Variants in BABAM2 observed in about 807,000 individuals in gnomAD.
The protein encoded by BABAM2 is BRISC and BRCA1 A complex member 2.
In BABAM2, 31 loss-of-function variants were observed where a neutral mutation model predicts 54.7. That is an observed-to-expected ratio of 0.57 (90% CI 0.43 to 0.77). The LOEUF (loss-of-function observed/expected upper bound fraction) is 0.77, where lower values mean the gene tolerates loss of function less well. Among genes scored for constraint, BABAM2 ranks in the 30% least tolerant of loss-of-function variants. The pLI is 0.00. For missense variants in BABAM2, 364 were observed against 455.8 expected (o/e 0.80, Z 1.83); for synonymous variants, 167 against 162.9 (o/e 1.03, Z -0.19).
chr2:27,928,842 A>G (rs1313176353), intron 2 of BABAM2, among the ~76,000 whole-genome samples: 4 of 152,026 alleles, frequency 2.6e-5, no homozygotes, highest in Non-Finnish European at 5.9e-5. Flanking sequence ...TATGACTTCT[A>G]AGATAAAAAT....
intron 6 of BABAM2, among the ~76,000 whole-genome samples, chr2:28,062,573 ACC>A (rs1678977707): frequency 4.4e-5 from 4 of 90,988 alleles, no homozygotes; most frequent in African/African-American, 9.3e-5. Flanking sequence ...AAAAAAAAAA[ACC>A]AAAAAAAAAA....
intron 11 of BABAM2, among the ~76,000 whole-genome samples, chr2:28,331,377 A>G (rs1690945400): frequency 1.3e-5 from 2 of 152,240 alleles, no homozygotes; most frequent in Admixed American, 1.3e-4. Context: ...TTCAAAATGA[A>G]CAGACAACCT....
intron 7 of BABAM2, among the ~76,000 whole-genome samples, chr2:28,143,478 T>G (rs184206981): frequency 6.6e-6 from 1 of 152,260 alleles, no homozygotes; most frequent in East Asian, 1.9e-4. Context: ...ACTGAAAATT[T>G]GCTAAGAGAG....
At chr2:28,241,529 C>CT in intron 9 of BABAM2, 136 bp downstream of exon 9, 1 of 778,082 alleles carries the variant, frequency 1.3e-6, no homozygotes, top group Non-Finnish European at 2.1e-6. Flanking sequence ...CAGTCTCGCT[C>CT]TGTCACCCAG....
At chr2:27,946,364 T>C (rs1669297547) in intron 3 of BABAM2, among the ~76,000 whole-genome samples, 1 of 152,256 alleles carries the variant, frequency 6.6e-6, no homozygotes, top group Non-Finnish European at 1.5e-5. Context: ...GATTATTATG[T>C]ATGATCCTTC....
At chr2:28,026,968 A>ATG (rs1675891026) in intron 5 of BABAM2, among the ~76,000 whole-genome samples, 1 of 64,814 alleles carries the variant, frequency 1.5e-5, no homozygotes, top group Non-Finnish European at 2.7e-5. Flanking sequence ...AAATATATAT[A>ATG]TAAATATATA....
At chr2:28,056,640 T>C (rs946713749) in intron 6 of BABAM2, among the ~76,000 whole-genome samples, 2 of 152,238 alleles carry the variant, frequency 1.3e-5, no homozygotes, top group Non-Finnish European at 2.9e-5. Context: ...GTAACATGAA[T>C]TAGTTCGTTC....
At chr2:28,051,778 A>G (rs1280733589) in intron 6 of BABAM2, among the ~76,000 whole-genome samples, 1 of 151,884 alleles carries the variant, frequency 6.6e-6, no homozygotes, top group Non-Finnish European at 1.5e-5. Context: ...CCTTCCGACT[A>G]GCTGGGATTA....
intron 6 of BABAM2, among the ~76,000 whole-genome samples, chr2:28,104,469 T>C (rs1399104934): frequency 7.2e-5 from 11 of 152,224 alleles, no homozygotes; most frequent in African/African-American, 1.9e-4. Flanking sequence ...CAGAGAAATG[T>C]AAATCAAAAC....
intron 4 of BABAM2, among the ~76,000 whole-genome samples, chr2:28,001,250 A>G (rs568942757): frequency 6.6e-6 from 1 of 152,302 alleles, no homozygotes; most frequent in East Asian, 1.9e-4. Context: ...TTATTTTAAG[A>G]TCCCATTTGT....
intron 6 of BABAM2, among the ~76,000 whole-genome samples, chr2:28,078,600 G>C (rs1039563926): frequency 5.9e-5 from 9 of 152,156 alleles, no homozygotes; most frequent in African/African-American, 2.2e-4. Flanking sequence ...CTTGGAACAT[G>C]TTTCCCATGG....
At chr2:28,305,989 G>A (rs1205518253) in intron 11 of BABAM2, among the ~76,000 whole-genome samples, 1 of 151,812 alleles carries the variant, frequency 6.6e-6, no homozygotes, top group African/African-American at 2.4e-5. Flanking sequence ...TTGAACCATG[G>A]GTTATTTATA....
chr2:27,995,028 T>C lies in BABAM2; in HGVS notation c.300+6941T>C, dbSNP rs930921927. Among the ~76,000 whole-genome samples, 3 of 152,212 alleles carry C rather than the reference T, an allele frequency of 2.0e-5. No homozygotes were observed. The highest frequency in any genetic ancestry group is 7.2e-5 in the African/African-American group (3 of 41,460). On this transcript the variant is annotated intron_variant, in intron 4 of 11. Transcript: ENST00000379624. The surrounding 1 kb of genome is among the most constrained non-coding windows in gnomAD (Gnocchi z 4.1). ...TAGCAGTTGTAGGGAGCAGCTATTC[T>C]AGAGCTAAGGGAGAGGAATAAACTT...
intron 7 of BABAM2, among the ~76,000 whole-genome samples, chr2:28,236,151 G>T (rs1443897082): frequency 6.6e-6 from 1 of 151,804 alleles, no homozygotes; most frequent in African/African-American, 2.4e-5. Context: ...TTACAGAGAG[G>T]GTTTAGGGGG....
At chr2:28,093,455 C>T (rs539726017) in intron 6 of BABAM2, among the ~76,000 whole-genome samples, 19 of 152,214 alleles carry the variant, frequency 1.2e-4, no homozygotes, top group African/African-American at 4.3e-4. Context: ...TTAGCTGAGA[C>T]ACTTGCCTTT....
intron 7 of BABAM2, among the ~76,000 whole-genome samples, chr2:28,158,333 C>G (rs1358244323): frequency 6.6e-6 from 1 of 152,142 alleles, no homozygotes; most frequent in Non-Finnish European, 1.5e-5. Flanking sequence ...AAGAGGGCTA[C>G]ATAGGGAGAA....
At chr2:28,292,583 A>G (rs1035353451) in intron 10 of BABAM2, among the ~76,000 whole-genome samples, 1 of 152,214 alleles carries the variant, frequency 6.6e-6, no homozygotes, top group African/African-American at 2.4e-5. Context: ...AGGGATGATG[A>G]ATCCAGCCAC....
At chr2:28,078,566 G>A (rs929660718) in intron 6 of BABAM2, among the ~76,000 whole-genome samples, 1 of 152,148 alleles carries the variant, frequency 6.6e-6, no homozygotes, top group African/African-American at 2.4e-5. Context: ...TGCTATCCAT[G>A]ATTTTAGGCA....
At chr2:28,042,973 G>A (rs1341604452) in intron 5 of BABAM2, among the ~76,000 whole-genome samples, 1 of 151,700 alleles carries the variant, frequency 6.6e-6, no homozygotes, top group Non-Finnish European at 1.5e-5. Flanking sequence ...GCAGTGAGCT[G>A]AGATCGCGCC....
Sources: gnomAD v4.1 joint callset for allele counts (sites outside exome capture counted in the v4.1 genomes callset) on GRCh38, gnomAD v4.1.1 for gene constraint, Gnocchi (gnomAD v3.1) non-coding constraint, MANE v1.5 for transcripts, NCBI Gene and HGNC (gene_info 2026-07-23, HGNC 2026-07-21) for gene names.